Variants in ADAM22 observed in about 807,000 individuals in gnomAD.
ADAM22 encodes ADAM metallopeptidase domain 22.
ADAM22 carries 65 observed loss-of-function variants against 144.6 expected under a neutral mutation model. The observed-to-expected ratio is 0.45, with a 90% CI of 0.37 to 0.55. The LOEUF (loss-of-function observed/expected upper bound fraction) is 0.55, where lower values mean the gene tolerates loss of function less well. Ranked by LOEUF, ADAM22 falls within the 20% of genes least tolerant of loss-of-function variation. The probability of loss-of-function intolerance (pLI) is 0.00; values close to 1 mark genes in which losing one functional copy is unlikely to be tolerated. For missense variants in ADAM22, 974 were observed against 1,184.9 expected, an observed-to-expected ratio of 0.82 and a Z score of 2.61; for synonymous variants, 391 against 412.6, an observed-to-expected ratio of 0.95 and a Z score of 0.63.
At chr7:88,094,975 C>G (rs1240861172) in intron 4 of ADAM22, among the ~76,000 whole-genome samples, 1 of 152,164 alleles carries the variant, frequency 6.6e-6, no homozygotes, top group Non-Finnish European at 1.5e-5. Context: ...ACTTATGCCT[C>G]CTATACTTCA....
intron 7 of ADAM22, among the ~76,000 whole-genome samples, chr7:88,124,140 A>C (rs1414665994): frequency 6.6e-6 from 1 of 151,934 alleles, no homozygotes; most frequent in Non-Finnish European, 1.5e-5. Context: ...ATTGGTTGAT[A>C]GTGTTAAGTC....
At chr7:88,165,742 T>A in intron 23 of ADAM22, 90 bp from the exon 24 acceptor site, 1 of 839,570 alleles carries the variant, frequency 1.2e-6, no homozygotes, top group Non-Finnish European at 1.8e-6. Context: ...TACCACATTC[T>A]AAGCATATAA....
intron 26 of ADAM22, among the ~76,000 whole-genome samples, chr7:88,173,446 G>A (rs1359646925): frequency 6.6e-6 from 1 of 152,032 alleles, no homozygotes; most frequent in Non-Finnish European, 1.5e-5. Flanking sequence ...AGGTCTCAAA[G>A]TGGAGAAATG....
chr7:88,074,704 A>G (rs1334810260), intron 3 of ADAM22, among the ~76,000 whole-genome samples: 1 of 152,222 alleles, frequency 6.6e-6, no homozygotes, highest in Admixed American at 6.5e-5. Flanking sequence ...AGTGTCAGAT[A>G]ATACAGGATT....
intron 22 of ADAM22, among the ~76,000 whole-genome samples, chr7:88,160,211 C>A (rs1417688755): frequency 6.6e-6 from 1 of 152,098 alleles, no homozygotes; most frequent in African/African-American, 2.4e-5. Context: ...GGTAAAAAAT[C>A]TCTGCAATGG....
At chr7:87,951,042 C>T (rs1464004935) in intron 2 of ADAM22, among the ~76,000 whole-genome samples, 3 of 152,118 alleles carry the variant, frequency 2.0e-5, no homozygotes, top group South Asian at 4.1e-4. Context: ...GATATTAGCC[C>T]TTTGTCAGAT....
At chr7:88,023,834 A>C (rs981640137) in intron 3 of ADAM22, among the ~76,000 whole-genome samples, 3 of 144,876 alleles carry the variant, frequency 2.1e-5, no homozygotes, top group Admixed American at 7.0e-5. Context: ...CTTCCCCCCT[A>C]CCCTCCTGTT....
At chr7:87,944,900 C>A (rs1198319427) in intron 2 of ADAM22, among the ~76,000 whole-genome samples, 2 of 142,876 alleles carry the variant, frequency 1.4e-5, no homozygotes, top group East Asian at 4.1e-4. Flanking sequence ...CCTCCTCCTT[C>A]CTTCTTCTTC....
intron 4 of ADAM22, among the ~76,000 whole-genome samples, chr7:88,088,447 G>A (rs917205): frequency 0.13 from 19,957 of 151,148 alleles, 1,968 homozygotes; most frequent in African/African-American, 0.26. Flanking sequence ...CTTAAAAAAG[G>A]GATACCTTTT....
chr7:88,175,296 T>C (rs980218527), intron 26 of ADAM22, among the ~76,000 whole-genome samples: 9 of 152,116 alleles, frequency 5.9e-5, no homozygotes, highest in Non-Finnish European at 1.3e-4. Context: ...GGAATAAGAA[T>C]AAGCAAGCAA....
chr7:88,079,570 A>G (rs1222267517), intron 4 of ADAM22, among the ~76,000 whole-genome samples: 1 of 152,230 alleles, frequency 6.6e-6, no homozygotes, highest in Non-Finnish European at 1.5e-5. Flanking sequence ...TAAAGAGTCA[A>G]GACCTATCAG....
chr7:88,138,815 A>G (rs1000577992), intron 14 of ADAM22, among the ~76,000 whole-genome samples: 1 of 152,238 alleles, frequency 6.6e-6, no homozygotes, highest in African/African-American at 2.4e-5. Context: ...TTCAGAAGTT[A>G]GAGGTCAGAT....
chr7:88,151,377 AAGG>A (rs772781668), intron 20 of ADAM22, 57 bp downstream of exon 20: 128 of 1,596,870 alleles, frequency 8.0e-5, no homozygotes, highest in Non-Finnish European at 1.0e-4. Context: ...CGGACTTCTC[AAGG>A]ACGTGTGTGC....
rs79700683 is a variant in ADAM22 at position 88,194,183 on chromosome 7, G to A, written c.2874+944G>A. ...CTCCTCAAATAATTGTCTAAGTGTA[G>A]CAACCCACTTTCTGCTAAATTGTCT... On this transcript the variant is annotated intron_variant, in intron 31 of 31. Transcript: ENST00000413139. 3.8e-3 allele frequency among the ~76,000 whole-genome samples: 576 copies of A among 152,274 alleles called. 6 individuals are homozygous for A. Among genetic ancestry groups the A allele is most frequent in the African/African-American group, 0.014 (570 of 41,552 alleles).
chr7:87,973,216 A>C (rs1047368024), intron 2 of ADAM22, among the ~76,000 whole-genome samples: 1 of 152,212 alleles, frequency 6.6e-6, no homozygotes, highest in Non-Finnish European at 1.5e-5. Context: ...AATATCCAGA[A>C]TCTACAACGA....
intron 2 of ADAM22, among the ~76,000 whole-genome samples, chr7:87,966,736 T>TG (rs1849198465): frequency 1.5e-5 from 2 of 136,172 alleles, no homozygotes; most frequent in African/African-American, 5.8e-5. Flanking sequence ...TTTTTTTTTT[T>TG]TTTTTTTTTT....
At chr7:88,180,191 T>C (rs1440592662) in intron 27 of ADAM22, among the ~76,000 whole-genome samples, 1 of 152,108 alleles carries the variant, frequency 6.6e-6, no homozygotes, top group Admixed American at 6.6e-5. Flanking sequence ...GAAACACTAG[T>C]TGTCGCCAAA....
At chr7:87,938,628 G>A (rs1841842505) in intron 2 of ADAM22, among the ~76,000 whole-genome samples, 1 of 151,826 alleles carries the variant, frequency 6.6e-6, no homozygotes, top group Non-Finnish European at 1.5e-5. Flanking sequence ...TCTTTAAAAG[G>A]CATTTATTTA....
At chr7:87,988,743 C>T (rs1789051370) in intron 3 of ADAM22, among the ~76,000 whole-genome samples, 1 of 152,114 alleles carries the variant, frequency 6.6e-6, no homozygotes, top group Admixed American at 6.6e-5. Context: ...CTCTGGTTCT[C>T]AGGGGTTCAG....
Sources: allele counts gnomAD v4.1 joint callset (sites outside exome capture counted in the v4.1 genomes callset), GRCh38; gene constraint gnomAD v4.1.1; transcripts MANE v1.5; gene names NCBI Gene and HGNC (gene_info 2026-07-23, HGNC 2026-07-21).